MAGI2: variants seen among roughly 807,000 people sequenced by gnomAD.
MAGI2 encodes the protein membrane-associated guanylate kinase, WW and PDZ domain-containing protein 2.
MAGI2 carries 35 observed loss-of-function variants against 133.3 expected under a neutral mutation model. The observed-to-expected ratio is 0.26, with a 90% confidence interval of 0.20 to 0.35. The LOEUF (loss-of-function observed/expected upper bound fraction) is 0.35, where lower values mean the gene tolerates loss of function less well. Among genes scored for constraint, MAGI2 ranks in the 10% least tolerant of loss-of-function variants. The pLI, the probability that MAGI2 is intolerant of heterozygous loss-of-function variation, is 1.00. For missense variants in MAGI2, 1,636 were observed against 1,863.4 expected, an observed-to-expected ratio of 0.88 and a Z score of 2.25; for synonymous variants, 729 against 710.6, an observed-to-expected ratio of 1.03 and a Z score of -0.41.
At chr7:78,858,212 T>C (rs558199408) in intron 2 of MAGI2, among the ~76,000 whole-genome samples, 109 of 152,326 alleles carry the variant, frequency 7.2e-4, no homozygotes, top group African/African-American at 2.4e-3. Context: ...GCTCCTGGAT[T>C]CATTGATCTT....
At chr7:79,242,732 C>T (rs1832513280) in intron 1 of MAGI2, among the ~76,000 whole-genome samples, 1 of 152,166 alleles carries the variant, frequency 6.6e-6, no homozygotes, top group East Asian at 1.9e-4. Context: ...TTTCTGTTTA[C>T]ATTGGCCAAT....
At chr7:78,450,278 A>T (rs958455189) in intron 6 of MAGI2, among the ~76,000 whole-genome samples, 31 of 151,832 alleles carry the variant, frequency 2.0e-4, no homozygotes, top group African/African-American at 7.3e-4. Context: ...CTGGGAATTC[A>T]TTAAAATGCA....
At chr7:78,803,655 G>GA (rs1788270858) in intron 2 of MAGI2, among the ~76,000 whole-genome samples, 4 of 152,030 alleles carry the variant, frequency 2.6e-5, no homozygotes, top group Non-Finnish European at 5.9e-5. Context: ...AGAAAAGGGG[G>GA]AAAAAGGAAA....
chr7:79,326,692 T>C (rs1349511772), intron 1 of MAGI2, among the ~76,000 whole-genome samples: 2 of 151,868 alleles, frequency 1.3e-5, no homozygotes, highest in Non-Finnish European at 2.9e-5. Context: ...ATGTATCCTG[T>C]TTTCCTTTAG....
intron 1 of MAGI2, among the ~76,000 whole-genome samples, chr7:79,177,938 C>G (rs1294857379): frequency 6.6e-6 from 1 of 152,010 alleles, no homozygotes; most frequent in African/African-American, 2.4e-5. Flanking sequence ...GTACTTCAAG[C>G]TTATCTATAG....
At chr7:78,022,838 T>C (rs1296497957) in intron 21 of MAGI2, among the ~76,000 whole-genome samples, 2 of 152,254 alleles carry the variant, frequency 1.3e-5, no homozygotes, top group African/African-American at 4.8e-5. Context: ...GGTGAAATTA[T>C]TCACAAATTC....
At chr7:78,845,635 T>C (rs1236088822) in intron 2 of MAGI2, among the ~76,000 whole-genome samples, 1 of 151,936 alleles carries the variant, frequency 6.6e-6, no homozygotes, top group Non-Finnish European at 1.5e-5. Flanking sequence ...GGGAAACCAC[T>C]GTGGATAGCT....
At chr7:78,656,838 A>G (rs1812336619) in intron 2 of MAGI2, among the ~76,000 whole-genome samples, 1 of 152,104 alleles carries the variant, frequency 6.6e-6, no homozygotes, top group Non-Finnish European at 1.5e-5. Flanking sequence ...TTTAAAATTT[A>G]TGATATGCAA....
intron 3 of MAGI2, among the ~76,000 whole-genome samples, chr7:78,524,190 G>C (rs1796754046): frequency 6.6e-6 from 1 of 152,066 alleles, no homozygotes; most frequent in Admixed American, 6.5e-5. Flanking sequence ...GAGCCCTACC[G>C]TCCACTGATT....
At chr7:78,793,379 T>G (rs1318564553) in intron 2 of MAGI2, among the ~76,000 whole-genome samples, 1 of 152,222 alleles carries the variant, frequency 6.6e-6, no homozygotes, top group African/African-American at 2.4e-5. Context: ...ACCTATGGCA[T>G]CTAGTGGGTA....
chr7:78,365,705 T>C (rs959751741), intron 7 of MAGI2, among the ~76,000 whole-genome samples: 2 of 152,180 alleles, frequency 1.3e-5, no homozygotes, highest in Non-Finnish European at 2.9e-5. Flanking sequence ...AAACCTACAA[T>C]CTTAAAATTG....
chr7:78,320,015 G>GA (rs1787834735), intron 9 of MAGI2, among the ~76,000 whole-genome samples: 1 of 152,160 alleles, frequency 6.6e-6, no homozygotes, highest in Non-Finnish European at 1.5e-5. Flanking sequence ...AAATAAACTA[G>GA]AAAATCTAGA....
At chr7:78,049,723 G>T (rs921313626) in intron 21 of MAGI2, among the ~76,000 whole-genome samples, 11 of 152,176 alleles carry the variant, frequency 7.2e-5, no homozygotes, top group Non-Finnish European at 1.2e-4. Flanking sequence ...CAAGAATACA[G>T]TTGACGAGAC....
chr7:78,547,920 C>A (rs147263871), intron 3 of MAGI2, among the ~76,000 whole-genome samples: 1 of 152,204 alleles, frequency 6.6e-6, no homozygotes, highest in Non-Finnish European at 1.5e-5. Flanking sequence ...AATGGACTGA[C>A]CTTAGGAACT....
chr7:78,166,099 G>A (rs969503683), intron 15 of MAGI2, among the ~76,000 whole-genome samples: 1 of 152,208 alleles, frequency 6.6e-6, no homozygotes, highest in Admixed American at 6.5e-5. Flanking sequence ...AAGTTGGTAA[G>A]AGCTGCAGCA....
chr7:79,192,465 TA>T lies in MAGI2; in HGVS notation c.302-185260del, dbSNP rs1023302579. ...ATTTATAATATATTGAGGGTATATATAAAAAAAACTACAAGAAGGGACTGGG... is the reference window on the plus strand; with the variant it reads ...ATTTATAATATATTGAGGGTATATATAAAAAAACTACAAGAAGGGACTGGG... On this transcript the variant is annotated intron_variant, in intron 1 of 21. Transcript: ENST00000354212. 4.6e-5 allele frequency among the ~76,000 whole-genome samples: 7 copies of T among 151,610 alleles called. 1 individual carries two copies. The highest frequency in any genetic ancestry group is 9.7e-5 in the African/African-American group (4 of 41,198).
intron 10 of MAGI2, among the ~76,000 whole-genome samples, chr7:78,228,168 T>A (rs1033827123): frequency 6.6e-6 from 1 of 152,152 alleles, no homozygotes; most frequent in Non-Finnish European, 1.5e-5. Flanking sequence ...TTTTAAGACA[T>A]TTAAAAATGT....
chr7:78,570,915 G>T (rs1043327699), intron 3 of MAGI2, among the ~76,000 whole-genome samples: 2 of 152,110 alleles, frequency 1.3e-5, no homozygotes, highest in Non-Finnish European at 2.9e-5. Context: ...AAGTCTAGCT[G>T]TAACAATTCA....
chr7:79,243,187 A>G (rs1832556002), intron 1 of MAGI2, among the ~76,000 whole-genome samples: 7 of 152,196 alleles, frequency 4.6e-5, no homozygotes, highest in Admixed American at 4.6e-4. Flanking sequence ...GTGTTCTGAA[A>G]AGCCCCATAC....
Sources: allele counts gnomAD v4.1 joint callset (sites outside exome capture counted in the v4.1 genomes callset), GRCh38; gene constraint gnomAD v4.1.1; transcripts MANE v1.5; gene names NCBI Gene and HGNC (gene_info 2026-07-23, HGNC 2026-07-21).